Variants in MDGA2 observed in about 807,000 individuals in gnomAD.
MDGA2 encodes MAM domain-containing glycosylphosphatidylinositol anchor protein 2.
Under a neutral mutation model 117.8 loss-of-function variants are expected in MDGA2, and 40 were observed. The observed-to-expected ratio is 0.34, with a 90% CI of 0.26 to 0.44. The LOEUF (loss-of-function observed/expected upper bound fraction) is 0.44. Ranked by LOEUF, MDGA2 falls within the 20% of genes least tolerant of loss-of-function variation. The pLI is 1.00. For synonymous variants in MDGA2, 452 were observed against 439.0 expected, an observed-to-expected ratio of 1.03 and a Z score of -0.37; for missense variants, 1,123 against 1,250.6, an observed-to-expected ratio of 0.90 and a Z score of 1.54.
intron 1 of MDGA2, among the ~76,000 whole-genome samples, chr14:47,497,785 G>A (rs1894314395): frequency 6.6e-6 from 1 of 151,976 alleles, no homozygotes; most frequent in Non-Finnish European, 1.5e-5. Flanking sequence ...TGTTATTGGG[G>A]TATTTTCCCT....
At chr14:47,258,419 C>T (rs1035507760) in intron 2 of MDGA2, among the ~76,000 whole-genome samples, 1 of 151,978 alleles carries the variant, frequency 6.6e-6, no homozygotes, top group Non-Finnish European at 1.5e-5. Context: ...AGATGCTACA[C>T]ACTTTTAAAC....
chr14:47,602,743 AG>A (rs1212934537), intron 1 of MDGA2, among the ~76,000 whole-genome samples: 1 of 152,172 alleles, frequency 6.6e-6, no homozygotes, highest in Non-Finnish European at 1.5e-5. Flanking sequence ...GACAAAAGAG[AG>A]AGCTTGGTGA....
At chr14:47,038,950 A>C (rs891447383) in intron 7 of MDGA2, among the ~76,000 whole-genome samples, 1 of 134,278 alleles carries the variant, frequency 7.4e-6, no homozygotes, top group African/African-American at 2.7e-5. Context: ...ACTCCATCTC[A>C]AAAAAAAAAA....
chr14:47,039,448 C>G (rs950243084), intron 7 of MDGA2, among the ~76,000 whole-genome samples: 2 of 152,140 alleles, frequency 1.3e-5, no homozygotes, highest in Non-Finnish European at 2.9e-5. Context: ...TGGCCATAGG[C>G]AGTTTTCTCA....
intron 6 of MDGA2, among the ~76,000 whole-genome samples, chr14:47,067,130 A>C (rs1006892022): frequency 6.6e-5 from 10 of 152,258 alleles, no homozygotes; most frequent in Middle Eastern, 3.4e-3. Context: ...AAAGAAACAA[A>C]CAACCAACCA....
At chr14:47,402,416 G>A (rs1268523156) in intron 1 of MDGA2, among the ~76,000 whole-genome samples, 2 of 141,194 alleles carry the variant, frequency 1.4e-5, no homozygotes, top group Non-Finnish European at 3.0e-5. Context: ...CTCTAACAGA[G>A]TCTTATTTGC....
chr14:47,591,378 C>A (rs895290080), intron 1 of MDGA2, among the ~76,000 whole-genome samples: 2 of 152,116 alleles, frequency 1.3e-5, no homozygotes, highest in African/African-American at 4.8e-5. Flanking sequence ...CAAAGAGGAG[C>A]TGGTACCATT....
At chr14:47,312,688 G>GTTTTTTTTTTT (rs1186421912) in intron 1 of MDGA2, among the ~76,000 whole-genome samples, 46 of 104,248 alleles carry the variant, frequency 4.4e-4, no homozygotes, top group East Asian at 2.9e-3. Context: ...TTTTTTTTTT[G>GTTTTTTTTTTT]TTTTGTTTTG....
At chr14:47,253,265 A>C (rs1294209020) in intron 2 of MDGA2, among the ~76,000 whole-genome samples, 2 of 152,202 alleles carry the variant, frequency 1.3e-5, no homozygotes, top group East Asian at 3.9e-4. Flanking sequence ...AGCTCATTCC[A>C]GCATTAACCC....
intron 3 of MDGA2, among the ~76,000 whole-genome samples, chr14:47,144,610 CA>C (rs375897924): frequency 8.1e-5 from 12 of 147,778 alleles, no homozygotes; most frequent in East Asian, 2.0e-4. Context: ...ACCTCAGTGA[CA>C]AAAAAAAAAT....
intron 3 of MDGA2, among the ~76,000 whole-genome samples, chr14:47,172,960 T>C (rs1240431612): frequency 6.6e-6 from 1 of 152,068 alleles, no homozygotes; most frequent in East Asian, 1.9e-4. Context: ...TTAAAGGAGC[T>C]GATGGAGCTG....
chr14:47,258,203 T>C (rs1887684540), intron 2 of MDGA2, among the ~76,000 whole-genome samples: 2 of 152,128 alleles, frequency 1.3e-5, no homozygotes, highest in Admixed American at 6.6e-5. Context: ...TATTACATGG[T>C]ATATTAGACT....
intron 6 of MDGA2, among the ~76,000 whole-genome samples, chr14:47,089,744 G>C (rs1891040302): frequency 1.3e-5 from 2 of 151,934 alleles, no homozygotes; most frequent in African/African-American, 4.8e-5. Flanking sequence ...TAGGGACATG[G>C]AGGAAGCAGG....
intron 8 of MDGA2, among the ~76,000 whole-genome samples, chr14:46,976,446 T>C (rs58533161): frequency 0.039 from 5,889 of 152,078 alleles, 379 homozygotes; most frequent in African/African-American, 0.14. Context: ...TTGATGTGAC[T>C]TCATACTTGT....
At chr14:47,173,362 T>C (rs1162869759) in intron 3 of MDGA2, among the ~76,000 whole-genome samples, 2 of 152,004 alleles carry the variant, frequency 1.3e-5, no homozygotes, top group East Asian at 3.9e-4. Flanking sequence ...TTCACCAAAG[T>C]TGAAATGAAG....
At chr14:47,242,567 A>G (rs1019234375) in intron 2 of MDGA2, among the ~76,000 whole-genome samples, 3 of 151,914 alleles carry the variant, frequency 2.0e-5, no homozygotes, top group East Asian at 1.9e-4. Flanking sequence ...GCCCCGGGCA[A>G]TGGGGGACTT....
rs1471336376 is a variant in MDGA2, at chr14:46,986,605, A to T, written c.1820-28962T>A. Among the ~76,000 whole-genome samples, 8 of 152,264 alleles carry T rather than the reference A, an allele frequency of 5.3e-5. No individual in the cohort carries two copies. In the Middle Eastern group the frequency reaches 0.014, roughly 259 times the overall value. On this transcript the variant is annotated intron_variant, in intron 8 of 16. Coordinates refer to ENST00000399232, the MANE Select transcript of MDGA2 (RefSeq NM_001113498.3). Reference sequence around the variant, plus strand: ...CCAGATAGTCTCAAACAGGCTATTGATGAAATTTCCAAAAGATAAATGTCT... The same window carrying T: ...CCAGATAGTCTCAAACAGGCTATTGTTGAAATTTCCAAAAGATAAATGTCT...
At chr14:47,349,169 A>T (rs1890824936) in intron 1 of MDGA2, among the ~76,000 whole-genome samples, 1 of 152,216 alleles carries the variant, frequency 6.6e-6, no homozygotes, top group African/African-American at 2.4e-5. Flanking sequence ...ATGAACGAAG[A>T]AATACAACGT....
At chr14:47,549,092 G>C (rs1387143735) in intron 1 of MDGA2, among the ~76,000 whole-genome samples, 1 of 152,120 alleles carries the variant, frequency 6.6e-6, no homozygotes, top group Admixed American at 6.5e-5. Context: ...AGTTTTTTGA[G>C]GGGTTCCAAA....
Sources: allele counts gnomAD v4.1 joint callset (sites outside exome capture counted in the v4.1 genomes callset), GRCh38; gene constraint gnomAD v4.1.1; transcripts MANE v1.5; gene names NCBI Gene and HGNC (gene_info 2026-07-23, HGNC 2026-07-21).